The following HDGFL3 variants were observed in gnomAD, a reference collection of about 807,000 sequenced individuals.
HDGFL3 encodes HDGF like 3, also known as hepatoma-derived growth factor-related protein 3.
Under a neutral mutation model 27.6 loss-of-function variants are expected in HDGFL3, and 6 were observed. That is an observed-to-expected ratio of 0.22 (90% CI 0.12 to 0.43). HDGFL3 has a LOEUF of 0.43. Ranked by LOEUF, HDGFL3 falls within the 20% of genes least tolerant of loss-of-function variation. The pLI is 1.00. For missense variants in HDGFL3, 207 were observed against 250.1 expected, an observed-to-expected ratio of 0.83 and a Z score of 1.16; for synonymous variants, 88 against 88.9, an observed-to-expected ratio of 0.99 and a Z score of 0.05.
chr15:83,169,129 C>A, intron 1 of HDGFL3: 1 of 362,556 alleles, frequency 2.8e-6, no homozygotes, highest in East Asian at 9.3e-5. Context: ...AAAATAAGAG[C>A]CATATATGAT....
exon 4 of HDGFL3, chr15:83,112,871 G>C: frequency 6.2e-7 from 1 of 1,614,048 alleles, no homozygotes. Context: ...CTCGTCAAAA[G>C]AAAACCACCC....
At chr15:83,162,570 A>G (rs1314601968) in intron 2 of HDGFL3, among the ~76,000 whole-genome samples, 3 of 152,234 alleles carry the variant, frequency 2.0e-5, no homozygotes, top group Admixed American at 6.5e-5. Context: ...AACCTCTCTT[A>G]AGGAGGAAAA....
Position 83,136,504 on chromosome 15 carries a change from A to T in HDGFL3, c.*2766T>A, listed in dbSNP as rs1344160356. 3 of 1,585,942 alleles carry T rather than the reference A, an allele frequency of 1.9e-6. No individual in the cohort carries two copies. The highest frequency in any genetic ancestry group is 1.7e-4 in the Middle Eastern group (1 of 5,916). The stretch of plus-strand genomic sequence containing the variant: ...AGGCTCAGTTTTCTCACATTGGTGC[A>T]TCTCTTCATGCTAGAACTGCTTATG... On this transcript the variant is annotated 3_prime_UTR_variant, in exon 6 of 6. Transcript: ENST00000299633.
rs1184158809 is a variant in HDGFL3, at chr15:83,131,851, A to G, written c.*7419T>C. The G allele has an allele frequency of 6.6e-6, 1 of 152,246 alleles. No individual in the cohort carries two copies. Among genetic ancestry groups the G allele is most frequent in the Non-Finnish European group, 1.5e-5 (1 of 68,036 alleles). The allele number at this position is 152,246 out of a possible 1,614,324, so 9.4% of individuals were successfully genotyped here. ...CATATAAAATGCTAACCATAGGATT[A>G]AAGCTGCAAGTGTAATCTGAAAGGC... On this transcript the variant is annotated 3_prime_UTR_variant, in exon 6 of 6. Coordinates refer to ENST00000299633, the MANE Select transcript of HDGFL3 (RefSeq NM_016073.4).
downstream of HDGFL3, among the ~76,000 whole-genome samples, chr15:83,123,358 A>G (rs1360804606): frequency 6.6e-6 from 1 of 152,204 alleles, no homozygotes; most frequent in African/African-American, 2.4e-5. Context: ...GCTACAGGAC[A>G]TCTGAGACAC....
chr15:83,119,748 C>T (rs2035047608), intron 3 of HDGFL3: 19 of 1,604,774 alleles, frequency 1.2e-5, no homozygotes, highest in Non-Finnish European at 1.4e-5. Flanking sequence ...TGTAAGGAAA[C>T]GTTATGCATA....
chr15:83,115,581 G>A (rs2034583410), exon 4 of HDGFL3: 3 of 602,460 alleles, frequency 5.0e-6, no homozygotes, highest in African/African-American at 1.8e-5. Context: ...TTCTGTGACT[G>A]AGCCGGCAGT....
chr15:83,125,391 T>C (rs1385402841), downstream of HDGFL3, among the ~76,000 whole-genome samples: 1 of 152,246 alleles, frequency 6.6e-6, no homozygotes, highest in Non-Finnish European at 1.5e-5. Context: ...ACAGGCTTTG[T>C]AGTTAGAATC....
At chr15:83,196,326 T>C (rs2037571330) in intron 1 of HDGFL3, among the ~76,000 whole-genome samples, 1 of 152,000 alleles carries the variant, frequency 6.6e-6, no homozygotes, top group African/African-American at 2.4e-5. Context: ...TTTTTAAAAG[T>C]TGATCACATA....
chr15:83,125,713 C>T (rs763184435), downstream of HDGFL3, among the ~76,000 whole-genome samples: 13 of 152,182 alleles, frequency 8.5e-5, no homozygotes, highest in Admixed American at 7.2e-4. Flanking sequence ...TGTTGGCGCG[C>T]GTAACAGTTG....
intron 1 of HDGFL3, among the ~76,000 whole-genome samples, chr15:83,183,102 C>T (rs2151416874): frequency 6.6e-6 from 1 of 152,300 alleles, no homozygotes. Context: ...GTAAAGTCAA[C>T]AGATATTATC....
intron 1 of HDGFL3, among the ~76,000 whole-genome samples, chr15:83,166,103 A>C (rs1046318829): frequency 2.6e-5 from 4 of 152,170 alleles, no homozygotes; most frequent in African/African-American, 9.6e-5. Flanking sequence ...AATCCAGAGA[A>C]TACTGGTAAA....
chr15:83,118,447 A>G (rs2034902586), intron 3 of HDGFL3, among the ~76,000 whole-genome samples: 1 of 152,232 alleles, frequency 6.6e-6, no homozygotes, highest in Non-Finnish European at 1.5e-5. Flanking sequence ...TTAGCAATGG[A>G]AGTCTGAAAC....
Position 83,130,289 on chromosome 15 carries a change from A to T in HDGFL3, c.*8981T>A, listed in dbSNP as rs1007834163. On this transcript the variant is annotated 3_prime_UTR_variant, in exon 6 of 6. Transcript: ENST00000299633. Reference sequence around the variant, plus strand: ...TGGTAAGCCTGTAGCAATAAGACAAACCCTAATCTGTTGGTGAAGCTAAGC... The same window carrying T: ...TGGTAAGCCTGTAGCAATAAGACAATCCCTAATCTGTTGGTGAAGCTAAGC... The T allele has an allele frequency of 7.9e-5, 12 of 152,294 alleles. No homozygotes were observed. The highest frequency in any genetic ancestry group is 1.5e-5 in the Non-Finnish European group (1 of 68,132). The allele number at this position is 152,294 out of a possible 1,614,324, so 9.4% of individuals were successfully genotyped here.
rs904872577 is a variant in HDGFL3, at chr15:83,135,604, C to T, written c.*3666G>A. On this transcript the variant is annotated 3_prime_UTR_variant, in exon 6 of 6. Coordinates refer to ENST00000299633, the MANE Select transcript of HDGFL3 (RefSeq NM_016073.4). ...TTTAATCCTGCTGTGGTCTGTTTTA[C>T]CCTTTCCAATACGGTTTTCCTCTGT... 1.3e-5 allele frequency: 2 copies of T among 152,108 alleles called. No individual in the cohort carries two copies. Among genetic ancestry groups the T allele is most frequent in the Non-Finnish European group, 2.9e-5 (2 of 68,008 alleles). 9.4% of individuals were successfully genotyped at this position (152,108 alleles called of 1,614,324 possible). A position where few individuals can be genotyped will look rare whatever the true frequency, so the allele number is the denominator to read the frequency against.
chr15:83,148,328 T>C (rs920156199), intron 5 of HDGFL3, among the ~76,000 whole-genome samples: 3 of 151,980 alleles, frequency 2.0e-5, no homozygotes, highest in Non-Finnish European at 2.9e-5. Context: ...TTCATAATAA[T>C]TGCAAAAAGC....
At chr15:83,122,940 TG>T, downstream of HDGFL3, 2 of 1,590,896 alleles carry the variant, frequency 1.3e-6, no homozygotes, top group Non-Finnish European at 1.7e-6. Context: ...TCGCATCCAC[TG>T]GCCACTGAAT....
chr15:83,122,777 T>C, downstream of HDGFL3: 2 of 1,614,076 alleles, frequency 1.2e-6, no homozygotes, highest in Non-Finnish European at 1.7e-6. Flanking sequence ...AACACGAATT[T>C]GCCCTGCTTT....
chr15:83,158,820 C>T (rs183158760), intron 2 of HDGFL3, among the ~76,000 whole-genome samples: 7 of 152,186 alleles, frequency 4.6e-5, no homozygotes, highest in Middle Eastern at 3.4e-3. Flanking sequence ...TACTGTACCA[C>T]GTTAGTATAT....
Sources: allele counts gnomAD v4.1 joint callset (sites outside exome capture counted in the v4.1 genomes callset), GRCh38; gene constraint gnomAD v4.1.1; transcripts MANE v1.5; gene names NCBI Gene and HGNC (gene_info 2026-07-23, HGNC 2026-07-21).